DAAM1: variants seen among roughly 807,000 people sequenced by gnomAD.
The protein encoded by DAAM1 is disheveled-associated activator of morphogenesis 1.
DAAM1 carries 52 observed loss-of-function variants against 130.0 expected under a neutral mutation model. The observed-to-expected ratio is 0.40, with a 90% CI of 0.32 to 0.50. DAAM1 has a LOEUF of 0.50. Ranked by LOEUF, DAAM1 falls within the 20% of genes least tolerant of loss-of-function variation. The pLI is 0.61. For synonymous variants in DAAM1, 452 were observed against 444.5 expected, an observed-to-expected ratio of 1.02 and a Z score of -0.21; for missense variants, 1,134 against 1,303.8, an observed-to-expected ratio of 0.87 and a Z score of 2.01.
At chr14:59,293,604 A>T (rs1201030791) in intron 3 of DAAM1, among the ~76,000 whole-genome samples, 1 of 152,178 alleles carries the variant, frequency 6.6e-6, no homozygotes. Flanking sequence ...ATGACTTAGC[A>T]ATCAGTGGGA....
intron 23 of DAAM1, among the ~76,000 whole-genome samples, chr14:59,367,204 C>T (rs1886952051): frequency 6.6e-6 from 1 of 152,106 alleles, no homozygotes; most frequent in East Asian, 1.9e-4. Context: ...TGGAGAATCG[C>T]TTGAACCCGA....
intron 1 of DAAM1, among the ~76,000 whole-genome samples, chr14:59,263,110 C>G (rs1291057890): frequency 6.6e-6 from 1 of 152,172 alleles, no homozygotes; most frequent in Admixed American, 6.5e-5. Context: ...AGAAGAGTAA[C>G]AAGAACAAAC....
intron 10 of DAAM1, 98 bp downstream of exon 10, chr14:59,326,175 AC>A: frequency 8.7e-7 from 1 of 1,147,944 alleles, no homozygotes; most frequent in Non-Finnish European, 1.3e-6. Flanking sequence ...TTGGGTGCAC[AC>A]CAGGGATTCC....
intron 3 of DAAM1, among the ~76,000 whole-genome samples, chr14:59,305,527 G>A (rs1403849565): frequency 6.6e-6 from 1 of 152,184 alleles, no homozygotes; most frequent in Admixed American, 6.5e-5. Context: ...GAAGTGGACT[G>A]TAAAATCTCA....
chr14:59,241,285 CA>C (rs1202536334), intron 1 of DAAM1, among the ~76,000 whole-genome samples: 1 of 152,188 alleles, frequency 6.6e-6, no homozygotes, highest in Admixed American at 6.5e-5. Context: ...TTGTCTTCTG[CA>C]AAGTGTTGGG....
intron 1 of DAAM1, among the ~76,000 whole-genome samples, chr14:59,201,236 G>A (rs1888095705): frequency 6.6e-6 from 1 of 151,444 alleles, no homozygotes; most frequent in Non-Finnish European, 1.5e-5. Context: ...TGAGAAGAGT[G>A]AAAGATCTTG....
At chr14:59,338,493 G>T in intron 15 of DAAM1, 1 of 1,530,728 alleles carries the variant, frequency 6.5e-7, no homozygotes, top group South Asian at 1.2e-5. Context: ...CGTTATCCAG[G>T]GTTTTGTTTT....
chr14:59,193,764 G>T (rs1887803772), intron 1 of DAAM1, among the ~76,000 whole-genome samples: 1 of 152,142 alleles, frequency 6.6e-6, no homozygotes, highest in South Asian at 2.1e-4. Flanking sequence ...TCCACGTCTG[G>T]AATGTGCTTC....
intron 2 of DAAM1, among the ~76,000 whole-genome samples, chr14:59,288,465 G>C (rs1883560686): frequency 6.6e-6 from 1 of 152,146 alleles, no homozygotes; most frequent in Non-Finnish European, 1.5e-5. Context: ...ACTGTCAAGA[G>C]AGTAAATAGA....
At chr14:59,313,179 T>G (rs891738411) in intron 3 of DAAM1, among the ~76,000 whole-genome samples, 1 of 152,124 alleles carries the variant, frequency 6.6e-6, no homozygotes, top group African/African-American at 2.4e-5. Flanking sequence ...AGAGAGAGTT[T>G]TGGTTCAGAG....
chr14:59,370,623 CACTA>C lies in DAAM1; in HGVS notation c.*1765_*1768del, dbSNP rs1202106769. 2 of 152,072 alleles carry C rather than the reference CACTA, an allele frequency of 1.3e-5. No homozygotes were observed. Among genetic ancestry groups the C allele is most frequent in the African/African-American group, 4.8e-5 (2 of 41,406 alleles). 9.4% of individuals were successfully genotyped at this position (152,072 alleles called of 1,614,324 possible). A position where few individuals can be genotyped will look rare whatever the true frequency, so the allele number is the denominator to read the frequency against. ...ATTGCAAATTTAGTGACTTTCTACA[CACTA>C]TATGGAAATAAATGACTAGCAAATA... On this transcript the variant is annotated 3_prime_UTR_variant, in exon 25 of 25. Transcript: ENST00000360909.
intron 2 of DAAM1, chr14:59,265,199 C>G (rs983537550): frequency 6.6e-6 from 1 of 152,170 alleles, no homozygotes; most frequent in Admixed American, 6.5e-5. Context: ...GAAAGATAAG[C>G]CAATATGAGA....
intron 2 of DAAM1, among the ~76,000 whole-genome samples, chr14:59,271,016 A>G (rs1882687066): frequency 6.6e-6 from 1 of 152,212 alleles, no homozygotes; most frequent in African/African-American, 2.4e-5. Flanking sequence ...TTCATTTCTA[A>G]TACACTACAT....
chr14:59,337,368 G>C (rs1425967470), intron 15 of DAAM1, among the ~76,000 whole-genome samples: 1 of 152,190 alleles, frequency 6.6e-6, no homozygotes, highest in Non-Finnish European at 1.5e-5. Flanking sequence ...TGTATGGCTA[G>C]AGCAAGGGGA....
At chr14:59,270,828 CA>C (rs1303240288) in intron 2 of DAAM1, among the ~76,000 whole-genome samples, 1 of 152,144 alleles carries the variant, frequency 6.6e-6, no homozygotes, top group Non-Finnish European at 1.5e-5. Context: ...CTGTGACCCT[CA>C]GCTTTTTTAA....
intron 2 of DAAM1, chr14:59,265,035 T>C (rs540230247): frequency 6.6e-6 from 1 of 152,322 alleles, no homozygotes; most frequent in East Asian, 1.9e-4. Context: ...AATGGACCAT[T>C]TATATTGTTC....
At chr14:59,322,636 A>G (rs1292725651) in intron 5 of DAAM1, among the ~76,000 whole-genome samples, 1 of 152,058 alleles carries the variant, frequency 6.6e-6, no homozygotes, top group African/African-American at 2.4e-5. Flanking sequence ...TGAATATATG[A>G]TCTGTTGTTT....
At chr14:59,222,082 T>A (rs540654309) in intron 1 of DAAM1, among the ~76,000 whole-genome samples, 9 of 152,200 alleles carry the variant, frequency 5.9e-5, no homozygotes. Context: ...CTACGTAGCA[T>A]GTAACTGAGT....
At chr14:59,255,567 A>G (rs1454440453) in intron 1 of DAAM1, among the ~76,000 whole-genome samples, 1 of 152,204 alleles carries the variant, frequency 6.6e-6, no homozygotes, top group Non-Finnish European at 1.5e-5. Context: ...TTGCAATGCA[A>G]ATTACACATC....
Sources: allele counts gnomAD v4.1 joint callset (sites outside exome capture counted in the v4.1 genomes callset), GRCh38; gene constraint gnomAD v4.1.1; transcripts MANE v1.5; gene names NCBI Gene and HGNC (gene_info 2026-07-23, HGNC 2026-07-21).